The following HACD2 variants were observed in gnomAD, a reference collection of about 807,000 sequenced individuals.
HACD2 encodes 3-hydroxyacyl-CoA dehydratase 2.
In HACD2, 15 loss-of-function variants were observed where a neutral mutation model predicts 31.0. That is an observed-to-expected ratio of 0.48 (90% confidence interval 0.32 to 0.75). The LOEUF (loss-of-function observed/expected upper bound fraction) is 0.75. HACD2 is among the 30% of genes least tolerant of loss of function. The probability of loss-of-function intolerance (pLI) is 0.03; values close to 1 mark genes in which losing one functional copy is unlikely to be tolerated. For synonymous variants in HACD2, 115 were observed against 122.2 expected, an observed-to-expected ratio of 0.94 and a Z score of 0.39; for missense variants, 283 against 313.0, an observed-to-expected ratio of 0.90 and a Z score of 0.72.
rs71142741 is a variant in HACD2 at position 123,539,911 on chromosome 3, T to TAAAAAA, written c.293-11443_293-11438dup. Among the ~76,000 whole-genome samples, 611 of 24,468 alleles carry TAAAAAA rather than the reference T, an allele frequency of 0.025. 244 individuals are homozygous for TAAAAAA. The Middle Eastern group carries it at 0.25, about 10-fold the overall frequency. The allele number at this position is 24,468 out of a possible 152,430, so 16.1% of individuals were successfully genotyped here. ...AAACATGGCAAGGCCTCGTCTCTAC[T>TAAAAAA]AAAAAAAAAAAAAAAAAAAAAAAAA... On this transcript the variant is annotated intron_variant, in intron 3 of 6. Coordinates refer to ENST00000383657, the MANE Select transcript of HACD2 (RefSeq NM_198402.5).
chr3:123,497,577 C>T (rs2055849079), intron 6 of HACD2, among the ~76,000 whole-genome samples: 1 of 152,238 alleles, frequency 6.6e-6, no homozygotes, highest in African/African-American at 2.4e-5. Flanking sequence ...TCCAGGTCCT[C>T]ACCCCTCATC....
chr3:123,569,512 C>T lies in HACD2; in HGVS notation c.274-1732G>A, dbSNP rs143574076. On this transcript the variant is annotated intron_variant, in intron 2 of 6. Transcript: ENST00000383657. ...GAGTAGCTGGGACTACAGGCAATTG[C>T]CACTACGCCTGGCTAATTTTTGTAT... Among the ~76,000 whole-genome samples the T allele has an allele frequency of 1.1e-3, 171 of 152,284 alleles. 1 individual carries two copies. The highest frequency in any genetic ancestry group is 4.1e-3 in the South Asian group (20 of 4,826).
intron 4 of HACD2, among the ~76,000 whole-genome samples, chr3:123,528,123 T>C (rs550093319): frequency 1.1e-4 from 17 of 152,286 alleles, no homozygotes; most frequent in African/African-American, 4.1e-4. Flanking sequence ...GCAGACCACA[T>C]CCACACCATC....
chr3:123,561,308 A>G (rs949419078), intron 3 of HACD2, among the ~76,000 whole-genome samples: 17 of 152,194 alleles, frequency 1.1e-4, no homozygotes, highest in African/African-American at 2.4e-5. Context: ...ATTTTTTAAT[A>G]AAGTGTCTTC....
chr3:123,554,708 C>G (rs1196730447), intron 3 of HACD2, among the ~76,000 whole-genome samples: 1 of 152,070 alleles, frequency 6.6e-6, no homozygotes, highest in East Asian at 1.9e-4. Flanking sequence ...AAACCCAACT[C>G]TATGCTAATA....
chr3:123,571,854 T>C (rs1328671586), intron 2 of HACD2, among the ~76,000 whole-genome samples: 2 of 152,238 alleles, frequency 1.3e-5, no homozygotes, highest in Non-Finnish European at 2.9e-5. Flanking sequence ...AACCTTCTTC[T>C]AACTTAATAA....
intron 3 of HACD2, among the ~76,000 whole-genome samples, chr3:123,560,776 CT>C (rs1380960323): frequency 6.7e-6 from 1 of 150,324 alleles, no homozygotes; most frequent in Non-Finnish European, 1.5e-5. Flanking sequence ...GTAATTATTC[CT>C]TTTTGTCTCT....
At chr3:123,498,722 G>A (rs992780244) in intron 6 of HACD2, among the ~76,000 whole-genome samples, 1 of 152,202 alleles carries the variant, frequency 6.6e-6, no homozygotes, top group Non-Finnish European at 1.5e-5. Flanking sequence ...GGGGACTGCT[G>A]CTCTAAAAGA....
At chr3:123,578,333 C>T (rs995666135) in intron 2 of HACD2, among the ~76,000 whole-genome samples, 1 of 152,052 alleles carries the variant, frequency 6.6e-6, no homozygotes, top group Admixed American at 6.5e-5. Context: ...TGCAGTGGCA[C>T]GATCATGGCT....
intron 2 of HACD2, among the ~76,000 whole-genome samples, chr3:123,570,564 T>C (rs866337657): frequency 6.6e-5 from 10 of 151,854 alleles, no homozygotes; most frequent in Non-Finnish European, 1.2e-4. Context: ...ATTGAAGGAG[T>C]ACATTACTAT....
chr3:123,585,045 C>T lies in HACD2; in HGVS notation c.-18G>A, dbSNP rs779322601. Reference sequence around the variant, plus strand: ...GCCGCCATGTCAAGTGCCCGAAGCCCGCTCTCCTAGCGCGAGCGGCTCGGG... The same window carrying T: ...GCCGCCATGTCAAGTGCCCGAAGCCTGCTCTCCTAGCGCGAGCGGCTCGGG... On this transcript the variant is annotated 5_prime_UTR_variant, in exon 1 of 7. Coordinates refer to ENST00000383657, the MANE Select transcript of HACD2 (RefSeq NM_198402.5). 4.2e-5 allele frequency: 61 copies of T among 1,463,608 alleles called. No homozygotes were observed. The highest frequency in any genetic ancestry group is 5.4e-5 in the Non-Finnish European group (60 of 1,110,258). The allele number at this position is 1,463,608 out of a possible 1,614,324, so 90.7% of individuals were successfully genotyped here.
At chr3:123,543,644 G>A in intron 3 of HACD2, 1 of 395,362 alleles carries the variant, frequency 2.5e-6, no homozygotes, top group South Asian at 1.9e-5. Context: ...TAACAAAATG[G>A]AAAAATGATT....
At chr3:123,547,348 T>C (rs1327321316) in intron 3 of HACD2, among the ~76,000 whole-genome samples, 3 of 152,188 alleles carry the variant, frequency 2.0e-5, no homozygotes, top group Non-Finnish European at 4.4e-5. Flanking sequence ...CTAGGACATA[T>C]GTATTCCCCT....
At position 123,492,588 on chromosome 3, in the gene HACD2, G is replaced by A. The variant is rs1393639336; in HGVS notation, c.*2300C>T. 1 of 152,124 alleles carries A rather than the reference G, an allele frequency of 6.6e-6. No homozygotes were observed. The highest frequency in any genetic ancestry group is 1.5e-5 in the Non-Finnish European group (1 of 68,012). 9.4% of individuals were successfully genotyped at this position (152,124 alleles called of 1,614,324 possible). On this transcript the variant is annotated 3_prime_UTR_variant, in exon 7 of 7. Transcript: ENST00000383657. The stretch of plus-strand genomic sequence containing the variant: ...ACACACTGGGGTTGAGACCCTTTTT[G>A]AAAAGGGAGCTGTGTGCTGTGTTCT...
chr3:123,521,221 TGA>T, intron 4 of HACD2, among the ~76,000 whole-genome samples: 1 of 152,180 alleles, frequency 6.6e-6, no homozygotes, highest in Non-Finnish European at 1.5e-5. Context: ...ATAAATTAAA[TGA>T]GAGGGGGTTA....
chr3:123,491,775 G>T lies in HACD2; in HGVS notation c.*3113C>A, dbSNP rs2055765368. The T allele has an allele frequency of 6.6e-6, 1 of 152,460 alleles. No individual in the cohort carries two copies. The highest frequency in any genetic ancestry group is 2.4e-5 in the African/African-American group (1 of 41,484). 9.4% of individuals were successfully genotyped at this position (152,460 alleles called of 1,614,324 possible). A position where few individuals can be genotyped will look rare whatever the true frequency, so the allele number is the denominator to read the frequency against. On this transcript the variant is annotated 3_prime_UTR_variant, in exon 7 of 7. Transcript: ENST00000383657. ...CAAAGACTTATAAAATTACAATTTT[G>T]GTTTTCACAACATAGAAAAAATACA...
intron 3 of HACD2, among the ~76,000 whole-genome samples, chr3:123,551,450 C>G (rs2056619074): frequency 6.6e-6 from 1 of 151,858 alleles, no homozygotes; most frequent in African/African-American, 2.4e-5. Context: ...GAATCCCCAT[C>G]TCTACTAAAA....
intron 4 of HACD2, among the ~76,000 whole-genome samples, chr3:123,505,770 T>C (rs1224786743): frequency 2.0e-5 from 3 of 152,284 alleles, no homozygotes; most frequent in Non-Finnish European, 4.4e-5. Context: ...AAAGAGAGGG[T>C]AAGTACTTTA....
At chr3:123,557,717 T>A (rs531869340) in intron 3 of HACD2, among the ~76,000 whole-genome samples, 1 of 152,182 alleles carries the variant, frequency 6.6e-6, no homozygotes, top group South Asian at 2.1e-4. Flanking sequence ...CTCTACGTCA[T>A]GTATAATCAA....
Sources: gnomAD v4.1 joint callset for allele counts (sites outside exome capture counted in the v4.1 genomes callset) on GRCh38, gnomAD v4.1.1 for gene constraint, MANE v1.5 for transcripts, NCBI Gene and HGNC (gene_info 2026-07-23, HGNC 2026-07-21) for gene names.